Variants in FAM167A observed in about 807,000 individuals in gnomAD.
FAM167A encodes family with sequence similarity 167 member A, also known as protein FAM167A.
FAM167A carries 23 observed loss-of-function variants against 14.9 expected under a neutral mutation model. That is an observed-to-expected ratio of 1.55 (90% CI 1.11 to 2.19). FAM167A has a LOEUF of 2.19. FAM167A is among the 30% of genes most tolerant of loss of function. The pLI, the probability that FAM167A is intolerant of heterozygous loss-of-function variation, is 0.00. For missense variants in FAM167A, 401 were observed against 281.5 expected, an observed-to-expected ratio of 1.42 and a Z score of -3.04; for synonymous variants, 174 against 117.7, an observed-to-expected ratio of 1.48 and a Z score of -3.10.
rs1804812329 is a variant in FAM167A at position 11,422,381 on chromosome 8, T to TGTGTGTGC, written c.*1991_*1992insGCACACAC. On this transcript the variant is annotated 3_prime_UTR_variant, in exon 3 of 3. Coordinates refer to ENST00000284486, the MANE Select transcript of FAM167A (RefSeq NM_053279.3). ...GTGTGTGTGTGTGTGGGGGTGTGTG[T>TGTGTGTGC]GTGTGTGTGTGTGTGTGTGTGTGTA... 8.4e-6 allele frequency: 1 copy of TGTGTGTGC among 118,714 alleles called. No homozygotes were observed. 7.4% of individuals were successfully genotyped at this position (118,714 alleles called of 1,614,324 possible). A position where few individuals can be genotyped will look rare whatever the true frequency, so the allele number is the denominator to read the frequency against.
chr8:11,429,710 G>A (rs1046295700), intron 2 of FAM167A, among the ~76,000 whole-genome samples: 9 of 152,166 alleles, frequency 5.9e-5, no homozygotes, highest in East Asian at 1.9e-4. Context: ...GCTCAGAGGC[G>A]AGCTGGGCCC....
intron 1 of FAM167A, among the ~76,000 whole-genome samples, chr8:11,448,872 T>C (rs1442584032): frequency 6.6e-6 from 1 of 152,238 alleles, no homozygotes; most frequent in African/African-American, 2.4e-5. Flanking sequence ...CTCAGTCCTT[T>C]CCTCGTGGCC....
At chr8:11,438,934 A>C (rs1438386080) in intron 2 of FAM167A, among the ~76,000 whole-genome samples, 1 of 152,224 alleles carries the variant, frequency 6.6e-6, no homozygotes. Flanking sequence ...CTGTCCCTGG[A>C]AATGGTTGTT....
chr8:11,473,244 G>C (rs1354020838), intron 1 of FAM167A, among the ~76,000 whole-genome samples: 4 of 152,200 alleles, frequency 2.6e-5, no homozygotes, highest in Non-Finnish European at 1.5e-5. Context: ...ATGATACCTT[G>C]AGAAACCAAG....
At chr8:11,430,284 G>C (rs1207389914) in intron 2 of FAM167A, among the ~76,000 whole-genome samples, 2 of 152,230 alleles carry the variant, frequency 1.3e-5, no homozygotes, top group African/African-American at 4.8e-5. Flanking sequence ...GGCTGTCCAA[G>C]CACTGTGGTG....
intron 2 of FAM167A, among the ~76,000 whole-genome samples, chr8:11,428,521 G>T (rs1326892778): frequency 1.3e-5 from 2 of 152,246 alleles, no homozygotes; most frequent in Non-Finnish European, 2.9e-5. Context: ...CGGTCTCCCT[G>T]CTTGCGCTCT....
chr8:11,427,382 G>A (rs1006545116), intron 2 of FAM167A, among the ~76,000 whole-genome samples: 4 of 152,196 alleles, frequency 2.6e-5, no homozygotes, highest in African/African-American at 9.6e-5. Context: ...GGGACAGGTT[G>A]CCAGCTGCTC....
intron 2 of FAM167A, among the ~76,000 whole-genome samples, chr8:11,428,608 G>A (rs1322279005): frequency 6.6e-6 from 1 of 152,218 alleles, no homozygotes; most frequent in African/African-American, 2.4e-5. Context: ...CACAGCGTGA[G>A]CATCTCGCTA....
At chr8:11,459,645 C>G (rs1370640392) in intron 1 of FAM167A, among the ~76,000 whole-genome samples, 1 of 152,126 alleles carries the variant, frequency 6.6e-6, no homozygotes, top group African/African-American at 2.4e-5. Flanking sequence ...GAAGTTCTGC[C>G]ATTAACAACC....
intron 1 of FAM167A, among the ~76,000 whole-genome samples, chr8:11,453,270 G>A (rs1807098354): frequency 6.6e-6 from 1 of 152,202 alleles, no homozygotes; most frequent in South Asian, 2.1e-4. Flanking sequence ...GACTCCTGGG[G>A]TCAACTGATC....
intron 1 of FAM167A, among the ~76,000 whole-genome samples, chr8:11,464,140 G>A (rs1240787905): frequency 6.6e-6 from 1 of 150,736 alleles, no homozygotes; most frequent in Non-Finnish European, 1.5e-5. Flanking sequence ...TGTGCAGAAG[G>A]AAAGGGGGTG....
intron 2 of FAM167A, chr8:11,435,061 G>T (rs1295543030): frequency 2.2e-6 from 1 of 456,852 alleles, no homozygotes; most frequent in East Asian, 6.9e-5. Context: ...CCACTCAAGA[G>T]GCTGATGGGC....
chr8:11,429,528 TTCA>T (rs1170433616), intron 2 of FAM167A, among the ~76,000 whole-genome samples: 2 of 152,224 alleles, frequency 1.3e-5, no homozygotes, highest in African/African-American at 4.8e-5. Context: ...CATAGATTGT[TTCA>T]TCATGTTTTC....
chr8:11,475,004 G>C (rs1797823124), intron 1 of FAM167A, among the ~76,000 whole-genome samples: 1 of 152,168 alleles, frequency 6.6e-6, no homozygotes, highest in Non-Finnish European at 1.5e-5. Flanking sequence ...GTGTCCTGGA[G>C]TGAGGAGCCC....
Position 11,423,932 on chromosome 8 carries a change from C to T in FAM167A, c.*441G>A, listed in dbSNP as rs77097456. 10,311 of 189,924 alleles carry T rather than the reference C, an allele frequency of 0.054. 388 individuals are homozygous for T. Among genetic ancestry groups the T allele is most frequent in the South Asian group, 0.098 (816 of 8,352 alleles). The allele number at this position is 189,924 out of a possible 1,614,324, so 11.8% of individuals were successfully genotyped here. ...CAATACTTAGAGGACAGCAACAGCACGTGAGACAGGCACATCTGACATGCC... is the reference window on the plus strand; with the variant it reads ...CAATACTTAGAGGACAGCAACAGCATGTGAGACAGGCACATCTGACATGCC... On this transcript the variant is annotated 3_prime_UTR_variant, in exon 3 of 3. Transcript: ENST00000284486.
At chr8:11,442,039 T>C (rs1206191652) in intron 2 of FAM167A, among the ~76,000 whole-genome samples, 2 of 152,220 alleles carry the variant, frequency 1.3e-5, no homozygotes, top group Non-Finnish European at 2.9e-5. Flanking sequence ...CTTTTAATAA[T>C]GCTAATATTC....
chr8:11,475,586 G>A lies in FAM167A; in HGVS notation c.-398+280C>T, dbSNP rs557790483. On this transcript the variant is annotated intron_variant, in intron 1 of 1. Transcript: ENST00000648766. ...ACATCATACTCCTTCTGAACCTCCT[G>A]CAAAAGTCTTCTTGCCATCAGAAGA... Among the ~76,000 whole-genome samples the A allele has an allele frequency of 1.1e-4, 16 of 152,148 alleles. No individual in the cohort carries two copies. In the South Asian group the frequency reaches 3.3e-3, roughly 32 times the overall value.
chr8:11,457,221 T>C (rs1441820499), intron 1 of FAM167A, among the ~76,000 whole-genome samples: 2 of 151,882 alleles, frequency 1.3e-5, no homozygotes, highest in East Asian at 3.9e-4. Context: ...CCCTGCCGGG[T>C]AAGCATTCCC....
At chr8:11,433,195 A>G (rs1032369890) in intron 2 of FAM167A, among the ~76,000 whole-genome samples, 3 of 149,204 alleles carry the variant, frequency 2.0e-5, no homozygotes, top group Non-Finnish European at 4.5e-5. Flanking sequence ...TCCAGAACTT[A>G]AAGTATGATA....
Sources: gnomAD v4.1 joint callset for allele counts (sites outside exome capture counted in the v4.1 genomes callset) on GRCh38, gnomAD v4.1.1 for gene constraint, MANE v1.5 for transcripts, NCBI Gene and HGNC (gene_info 2026-07-23, HGNC 2026-07-21) for gene names.